The following GSN variants were observed in gnomAD, a reference collection of about 807,000 sequenced individuals.
GSN encodes the protein gelsolin.
A neutral mutation model predicts 85.7 loss-of-function variants in GSN; 56 were observed. The observed-to-expected ratio is 0.65, with a 90% confidence interval of 0.53 to 0.82. GSN has a LOEUF of 0.82. GSN is among the 40% of genes least tolerant of loss of function. GSN has a pLI of 0.00. For missense variants in GSN, 857 were observed against 979.8 expected (o/e 0.87, Z 1.67); for synonymous variants, 373 against 399.1 (o/e 0.93, Z 0.78).
chr9:121,253,017 C>T (rs917255734), intron 6 of GSN, among the ~76,000 whole-genome samples: 1 of 152,196 alleles, frequency 6.6e-6, no homozygotes, highest in Non-Finnish European at 1.5e-5. Flanking sequence ...CATAGTTGGG[C>T]TCTGGTGAGA....
At chr9:121,311,930 T>C (rs1397939210) in intron 5 of GSN, 2 of 222,764 alleles carry the variant, frequency 9.0e-6, no homozygotes, top group Non-Finnish European at 1.8e-5. Flanking sequence ...ACAAGTCTTT[T>C]GGTGGACATA....
chr9:121,292,576 A>C (rs939086542), intron 2 of GSN, among the ~76,000 whole-genome samples: 6 of 152,258 alleles, frequency 3.9e-5, no homozygotes, highest in Admixed American at 3.3e-4. Flanking sequence ...CCTACCAGAC[A>C]CCCCACCAGG....
chr9:121,303,093 G>A (rs537136378), intron 4 of GSN, 28 bp downstream of exon 4: 6 of 1,609,148 alleles, frequency 3.7e-6, no homozygotes, highest in South Asian at 1.1e-5. Context: ...TTGCTTGAGC[G>A]GTAGGGACAG....
At chr9:121,204,948 A>T (rs1292668691), upstream of GSN, among the ~76,000 whole-genome samples, 1 of 152,218 alleles carries the variant, frequency 6.6e-6, no homozygotes, top group East Asian at 1.9e-4. Context: ...ATGTAACTAG[A>T]CATTGAGAGG....
chr9:121,300,027 G>C (rs1425605384), intron 2 of GSN: 2 of 1,524,548 alleles, frequency 1.3e-6, no homozygotes, highest in Non-Finnish European at 1.8e-6. Context: ...GGGGGCCCCG[G>C]GGCTCCCGGA....
chr9:121,298,164 C>T (rs2059393447), intron 2 of GSN, among the ~76,000 whole-genome samples: 1 of 152,040 alleles, frequency 6.6e-6, no homozygotes, highest in Admixed American at 6.5e-5. Flanking sequence ...CTCGGTGACC[C>T]CTGCTGCCCT....
At chr9:121,306,556 GAC>G (rs1484798082) in intron 4 of GSN, among the ~76,000 whole-genome samples, 101 of 152,314 alleles carry the variant, frequency 6.6e-4, no homozygotes, top group Non-Finnish European at 3.2e-4. Flanking sequence ...TAGGTAGACA[GAC>G]ACATATATAT....
intron 4 of GSN, among the ~76,000 whole-genome samples, chr9:121,307,812 G>A (rs1281149512): frequency 6.6e-6 from 1 of 152,164 alleles, no homozygotes; most frequent in African/African-American, 2.4e-5. Flanking sequence ...GCTCTGGGCA[G>A]GCTTGGTTAC....
chr9:121,217,365 C>CAA (rs34095254), intron 4 of GSN, among the ~76,000 whole-genome samples: 64 of 136,330 alleles, frequency 4.7e-4, no homozygotes, highest in East Asian at 1.4e-3. Flanking sequence ...AACTCCGTCT[C>CAA]AAAAAAAAAA....
intron 5 of GSN, among the ~76,000 whole-genome samples, chr9:121,247,032 A>G (rs528299759): frequency 6.6e-6 from 1 of 152,210 alleles, no homozygotes; most frequent in African/African-American, 2.4e-5. Context: ...GCATCTATAT[A>G]GTTGAGTCAG....
chr9:121,299,610 A>T lies in GSN; in HGVS notation c.-9-2353A>T, dbSNP rs539299783. ...TCGTGCCTGCGCCCATTTAGTGTGC[A>T]CACAGCTAGCGCCCGCCGTATGTCA... On this transcript the variant is annotated intron_variant, in intron 2 of 17. Transcript: ENST00000432226. The surrounding 1 kb of genome is among the most constrained non-coding windows in gnomAD (Gnocchi z 4.2). 99 of 516,194 alleles carry T rather than the reference A, an allele frequency of 1.9e-4. No homozygotes were observed. Among genetic ancestry groups the T allele is most frequent in the African/African-American group, 1.9e-3 (92 of 48,580 alleles). 32.0% of individuals were successfully genotyped at this position (516,194 alleles called of 1,614,324 possible).
chr9:121,216,875 G>A (rs942588710), intron 4 of GSN, among the ~76,000 whole-genome samples: 5 of 152,302 alleles, frequency 3.3e-5, no homozygotes, highest in East Asian at 3.9e-4. Flanking sequence ...ATGTCCAAGC[G>A]TTGCATTCTT....
chr9:121,302,858 G>A (rs1388883237), intron 3 of GSN, 53 bp from the exon 4 acceptor site: 14 of 1,590,042 alleles, frequency 8.8e-6, no homozygotes, highest in African/African-American at 4.0e-5. Flanking sequence ...TCTTCCTCAG[G>A]GGTCTGGGAT....
intron 6 of GSN, among the ~76,000 whole-genome samples, chr9:121,251,184 G>GTTGTTTTTTTTTTTTTTTT (rs1339859188): frequency 1.6e-4 from 1 of 6,370 alleles, no homozygotes; most frequent in African/African-American, 8.8e-4. Context: ...CAGCTGATGT[G>GTTGTTTTTTTTTTTTTTTT]TTCTTTTTTT....
chr9:121,322,833 A>AT (rs35596351), intron 11 of GSN, among the ~76,000 whole-genome samples: 107,108 of 143,854 alleles, frequency 0.74, 39,912 homozygotes, highest in East Asian at 0.85. Context: ...TGACTGTTGG[A>AT]TTTTTTTTTT....
intron 6 of GSN, among the ~76,000 whole-genome samples, chr9:121,256,467 A>G (rs2054962459): frequency 6.6e-6 from 1 of 152,196 alleles, no homozygotes. Flanking sequence ...CATCTGTGAG[A>G]GTGAAAACCA....
At chr9:121,270,885 G>A (rs375351586) in intron 1 of GSN, among the ~76,000 whole-genome samples, 2 of 152,214 alleles carry the variant, frequency 1.3e-5, no homozygotes, top group East Asian at 3.9e-4. Context: ...TTTACATCCT[G>A]TGTCTGCGGC....
rs1044400872 is a variant in GSN, at chr9:121,299,339, G to A, written c.-9-2624G>A. 25 of 983,880 alleles carry A rather than the reference G, an allele frequency of 2.5e-5. No homozygotes were observed. Among genetic ancestry groups the A allele is most frequent in the Non-Finnish European group, 3.0e-5 (25 of 828,586 alleles). The allele number at this position is 983,880 out of a possible 1,614,324, so 60.9% of individuals were successfully genotyped here. A position where few individuals can be genotyped will look rare whatever the true frequency, so the allele number is the denominator to read the frequency against. On this transcript the variant is annotated intron_variant, in intron 2 of 17. Transcript: ENST00000432226. This position sits in a 1 kb window ranked among gnomAD's most constrained non-coding sequence, Gnocchi z 4.2. ...GGGGGTTCTGCCCAGGCCCACTACGGCCTGAGTTCAAATCCCGGCAGCACC... is the reference window on the plus strand; with the variant it reads ...GGGGGTTCTGCCCAGGCCCACTACGACCTGAGTTCAAATCCCGGCAGCACC...
rs558259085 is a variant in GSN, at chr9:121,239,095, G to A, written c.-389+7792G>A. 4.6e-5 allele frequency: 17 copies of A among 370,040 alleles called. No individual in the cohort carries two copies. In the East Asian group the frequency reaches 5.4e-4, roughly 12 times the overall value. 22.9% of individuals were successfully genotyped at this position (370,040 alleles called of 1,614,324 possible). ...GGTAAGAGTAGGAATTTGAGTAATT[G>A]AGCCATTTCTACCTTCTCCTCGACC... On this transcript the variant is annotated intron_variant, in intron 5 of 24. Transcript: ENST00000373823.
Sources: gnomAD v4.1 joint callset for allele counts (sites outside exome capture counted in the v4.1 genomes callset) on GRCh38, gnomAD v4.1.1 for gene constraint, Gnocchi (gnomAD v3.1) non-coding constraint, MANE v1.5 for transcripts, NCBI Gene and HGNC (gene_info 2026-07-23, HGNC 2026-07-21) for gene names.